The following NGEF variants were observed in gnomAD, a reference collection of about 807,000 sequenced individuals.
NGEF encodes the protein neuronal guanine nucleotide exchange factor.
In NGEF, 31 loss-of-function variants were observed where a neutral mutation model predicts 80.9. That is an observed-to-expected ratio of 0.38 (90% confidence interval 0.29 to 0.52). NGEF has a LOEUF of 0.52. NGEF is among the 20% of genes least tolerant of loss of function. NGEF has a pLI of 0.84. For missense variants in NGEF, 709 were observed against 926.2 expected, an observed-to-expected ratio of 0.77 and a Z score of 3.04; for synonymous variants, 371 against 370.2, an observed-to-expected ratio of 1.00 and a Z score of -0.03.
chr2:233,005,839 C>T (rs1035028243), intron 1 of NGEF, among the ~76,000 whole-genome samples: 1 of 152,180 alleles, frequency 6.6e-6, no homozygotes, highest in South Asian at 2.1e-4. Context: ...TTTTTTGAGA[C>T]AGAGTCTTGC....
chr2:232,949,547 G>A (rs980252702), intron 3 of NGEF, among the ~76,000 whole-genome samples: 3 of 150,530 alleles, frequency 2.0e-5, no homozygotes, highest in Non-Finnish European at 2.9e-5. Flanking sequence ...GCGCGATCTC[G>A]GCTCACTGCA....
At chr2:232,997,888 C>G (rs563227718) in intron 1 of NGEF, among the ~76,000 whole-genome samples, 1 of 152,330 alleles carries the variant, frequency 6.6e-6, no homozygotes, top group South Asian at 2.1e-4. Flanking sequence ...GCGTTACCAG[C>G]AGGTCCACCC....
intron 14 of NGEF, 56 bp downstream of exon 14, chr2:232,881,090 A>T: frequency 1.4e-6 from 2 of 1,404,566 alleles, no homozygotes; most frequent in African/African-American, 1.4e-5. Context: ...CCTCCCCGTC[A>T]TCCCTTGTGG....
At chr2:233,004,999 T>C (rs781612164) in intron 1 of NGEF, among the ~76,000 whole-genome samples, 1 of 152,172 alleles carries the variant, frequency 6.6e-6, no homozygotes, top group African/African-American at 2.4e-5. Flanking sequence ...CTAGTGTGAA[T>C]GGCAGATCAG....
intron 3 of NGEF, among the ~76,000 whole-genome samples, chr2:232,937,904 A>G (rs527601269): frequency 6.6e-6 from 1 of 152,304 alleles, no homozygotes; most frequent in East Asian, 1.9e-4. Flanking sequence ...TGTGAGTCCA[A>G]AAACCATCAA....
intron 3 of NGEF, among the ~76,000 whole-genome samples, chr2:232,959,283 CT>C (rs34559264): frequency 0.2 from 29,823 of 152,010 alleles, 3,092 homozygotes; most frequent in East Asian, 0.34. Flanking sequence ...CCGGTGTTTC[CT>C]GTAAATTCCT....
At chr2:232,969,448 C>CTT (rs543089950) in intron 3 of NGEF, among the ~76,000 whole-genome samples, 70 of 51,372 alleles carry the variant, frequency 1.4e-3, no homozygotes, top group African/African-American at 8.0e-3. Flanking sequence ...TCCCTCCCTC[C>CTT]CCTTCCTTCC....
chr2:232,976,264 C>G (rs1694291344), intron 1 of NGEF, among the ~76,000 whole-genome samples: 1 of 152,160 alleles, frequency 6.6e-6, no homozygotes, highest in Non-Finnish European at 1.5e-5. Flanking sequence ...AACCAGTGTT[C>G]TACGATTCAT....
intron 2 of NGEF, among the ~76,000 whole-genome samples, chr2:232,974,420 C>A (rs989532728): frequency 1.3e-5 from 2 of 152,218 alleles, no homozygotes; most frequent in African/African-American, 4.8e-5. Flanking sequence ...TTTGGGTCAA[C>A]CCTTTCTCCT....
chr2:232,933,216 A>C (rs1186508087), intron 3 of NGEF, among the ~76,000 whole-genome samples: 4 of 152,158 alleles, frequency 2.6e-5, no homozygotes, highest in Non-Finnish European at 4.4e-5. Context: ...CCTACCTTCC[A>C]ATATCATCAC....
At chr2:232,996,185 G>A (rs975446190) in intron 1 of NGEF, among the ~76,000 whole-genome samples, 9 of 152,022 alleles carry the variant, frequency 5.9e-5, no homozygotes, top group African/African-American at 1.2e-4. Context: ...AAAATTAGCC[G>A]GGTGTGGTAG....
intron 1 of NGEF, among the ~76,000 whole-genome samples, chr2:232,993,134 T>A (rs1260177256): frequency 1.3e-4 from 17 of 127,404 alleles, no homozygotes; most frequent in African/African-American, 2.5e-4. Flanking sequence ...AATATATATT[T>A]ATTTATATAT....
At chr2:232,955,913 ATAT>A (rs1693816742) in intron 3 of NGEF, among the ~76,000 whole-genome samples, 1 of 152,182 alleles carries the variant, frequency 6.6e-6, no homozygotes, top group African/African-American at 2.4e-5. Flanking sequence ...GTGTTTTCTA[ATAT>A]TAGATGAAGG....
intron 1 of NGEF, among the ~76,000 whole-genome samples, chr2:232,996,775 G>A: frequency 6.6e-6 from 1 of 152,172 alleles, no homozygotes; most frequent in East Asian, 1.9e-4. Context: ...GATTACAGGT[G>A]TGAGCCACAG....
rs1338088228 is a variant in NGEF at position 232,906,394 on chromosome 2, T to TG, written c.829-11479dup. The stretch of plus-strand genomic sequence containing the variant: ...CCAGCCGCCCCGTCCGGGAGGGAGG[T>TG]GGGGGGGTCAGCCCCCCGCCCGGTC... On this transcript the variant is annotated intron_variant, in intron 5 of 14. Transcript: ENST00000264051. 7.8e-4 allele frequency among the ~76,000 whole-genome samples: 68 copies of TG among 87,492 alleles called. 8 individuals carry two copies. The highest frequency in any genetic ancestry group is 2.6e-3 in the African/African-American group (60 of 22,700). 57.4% of individuals were successfully genotyped at this position (87,492 alleles called of 152,430 possible). A position where few individuals can be genotyped will look rare whatever the true frequency, so the allele number is the denominator to read the frequency against.
rs370409750 is a variant in NGEF, at chr2:232,979,854, C to CT, written c.-74-4891dup. On this transcript the variant is annotated intron_variant, in intron 1 of 14. Coordinates refer to ENST00000264051, the MANE Select transcript of NGEF (RefSeq NM_019850.3). Reference sequence around the variant, plus strand: ...CCACACAACAACACTCTGTAAACATCTTTTTTTTTTTTTTACAGCAATAGA... The same window carrying CT: ...CCACACAACAACACTCTGTAAACATCTTTTTTTTTTTTTTTACAGCAATAGA... 5.2e-3 allele frequency among the ~76,000 whole-genome samples: 754 copies of CT among 145,284 alleles called. 4 individuals carry two copies. Among genetic ancestry groups the CT allele is most frequent in the Middle Eastern group, 0.018 (5 of 280 alleles).
At chr2:232,905,908 CCCGCCCGGCCAGCCGCCCCG>C (rs1173266836) in intron 5 of NGEF, 58 of 165,410 alleles carry the variant, frequency 3.5e-4, no homozygotes, top group African/African-American at 4.9e-4. Flanking sequence ...GGGTCAGCCC[CCCGCCCGGCCAGCCGCCCCG>C]TCCGGGAGGT....
chr2:232,905,838 C>G (rs1310817762), intron 5 of NGEF: 6 of 279,096 alleles, frequency 2.1e-5, no homozygotes, highest in South Asian at 1.5e-4. Context: ...GCTGCCACCC[C>G]GTCTGGGAAG....
chr2:232,928,031 G>GGTCGGGGGCCAC (rs1358867154), intron 3 of NGEF: 13 of 1,197,276 alleles, frequency 1.1e-5, no homozygotes, highest in Non-Finnish European at 1.3e-5. Context: ...GCGGGGGCCG[G>GGTCGGGGGCCAC]GTCGGGGGCC....
Sources: allele counts gnomAD v4.1 joint callset (sites outside exome capture counted in the v4.1 genomes callset), GRCh38; gene constraint gnomAD v4.1.1; transcripts MANE v1.5; gene names NCBI Gene and HGNC (gene_info 2026-07-23, HGNC 2026-07-21).